CTNNA3: variants seen among roughly 807,000 people sequenced by gnomAD.
The protein encoded by CTNNA3 is catenin alpha 3.
A neutral mutation model predicts 95.7 loss-of-function variants in CTNNA3; 76 were observed. That is an observed-to-expected ratio of 0.79 (90% CI 0.66 to 0.96). The LOEUF is 0.96. Ranked by LOEUF, CTNNA3 falls within the 40% of genes least tolerant of loss-of-function variation. The probability of loss-of-function intolerance (pLI) is 0.00; values close to 1 mark genes in which losing one functional copy is unlikely to be tolerated. For missense variants in CTNNA3, 1,191 were observed against 1,089.8 expected (o/e 1.09, Z -1.31); for synonymous variants, 431 against 374.4 (o/e 1.15, Z -1.74).
intron 10 of CTNNA3, among the ~76,000 whole-genome samples, chr10:66,594,204 T>C (rs1310054737): frequency 1.3e-5 from 2 of 152,264 alleles, no homozygotes; most frequent in African/African-American, 4.8e-5. Flanking sequence ...ACACCTCATC[T>C]TGCCCTTTTA....
intron 5 of CTNNA3, among the ~76,000 whole-genome samples, chr10:67,342,964 T>C (rs1258020813): frequency 6.6e-6 from 1 of 152,142 alleles, no homozygotes; most frequent in African/African-American, 2.4e-5. Context: ...AATTTTCCTT[T>C]TCTTTTGAGT....
Position 67,241,984 on chromosome 10 carries a change from C to T in CTNNA3, c.580-22114G>A, listed in dbSNP as rs145325395. ...CTCCTGTCTCAACACTCTTTCTACT[C>T]GACACTATTTCTATTTGTTGTCAGT... On this transcript the variant is annotated intron_variant, in intron 5 of 17. Coordinates refer to ENST00000433211, the MANE Select transcript of CTNNA3 (RefSeq NM_013266.4). Among the ~76,000 whole-genome samples the T allele has an allele frequency of 8.1e-3, 1,236 of 152,238 alleles. 11 individuals are homozygous for T. Among genetic ancestry groups the T allele is most frequent in the African/African-American group, 0.024 (980 of 41,544 alleles).
At chr10:66,123,897 G>T (rs1256275329) in intron 13 of CTNNA3, among the ~76,000 whole-genome samples, 1 of 152,144 alleles carries the variant, frequency 6.6e-6, no homozygotes, top group Non-Finnish European at 1.5e-5. Context: ...CCTGGGCCTG[G>T]CCCACGAAAC....
At chr10:67,283,382 A>G (rs528091132) in intron 5 of CTNNA3, among the ~76,000 whole-genome samples, 11 of 152,326 alleles carry the variant, frequency 7.2e-5, no homozygotes, top group African/African-American at 1.9e-4. Context: ...GGGCTCAAGC[A>G]CGCACCCTAA....
chr10:67,720,973 A>T lies in CTNNA3; in HGVS notation c.-2+42461T>A, dbSNP rs373611904. On this transcript the variant is annotated intron_variant, in intron 1 of 17. Coordinates refer to the CTNNA3 transcript ENST00000684154. ...CGTCTCAGAAAAAAAAATGTTGAAT[A>T]TTGGCCCCCACTCTTCTGGCTTGAA... Among the ~76,000 whole-genome samples the T allele has an allele frequency of 4.6e-5, 7 of 152,208 alleles. No individual in the cohort carries two copies. The East Asian group carries it at 1.2e-3, about 25-fold the overall frequency.
intron 6 of CTNNA3, among the ~76,000 whole-genome samples, chr10:67,189,040 C>A (rs978485025): frequency 6.6e-6 from 1 of 151,836 alleles, no homozygotes; most frequent in African/African-American, 2.4e-5. Flanking sequence ...TTGCTTGAGC[C>A]CAAGAAGTCG....
chr10:66,265,094 C>A (rs1309547680), intron 13 of CTNNA3, among the ~76,000 whole-genome samples: 1 of 152,014 alleles, frequency 6.6e-6, no homozygotes, highest in Non-Finnish European at 1.5e-5. Flanking sequence ...AGTTCTCTCT[C>A]TTGCAAGATA....
intron 7 of CTNNA3, among the ~76,000 whole-genome samples, chr10:66,823,650 AAATAACAAT>A (rs1472040867): frequency 1.9e-4 from 29 of 152,228 alleles, no homozygotes; most frequent in African/African-American, 6.3e-4. Context: ...TAAGTATTAA[AAATAACAAT>A]AATAACAATA....
chr10:66,650,727 C>T (rs1250786483), intron 9 of CTNNA3, among the ~76,000 whole-genome samples: 3 of 151,930 alleles, frequency 2.0e-5, no homozygotes, highest in Admixed American at 6.6e-5. Context: ...CTCTTAAAGG[C>T]GGCGCATCTG....
intron 7 of CTNNA3, among the ~76,000 whole-genome samples, chr10:67,173,548 A>C (rs1476236272): frequency 6.6e-6 from 1 of 152,036 alleles, no homozygotes; most frequent in African/African-American, 2.4e-5. Flanking sequence ...TTTGTACTCA[A>C]ATTTACTTTC....
chr10:67,755,996 TC>T (rs1841431141), intron 1 of CTNNA3, among the ~76,000 whole-genome samples: 1 of 151,970 alleles, frequency 6.6e-6, no homozygotes, highest in Non-Finnish European at 1.5e-5. Flanking sequence ...AAGAATGAAA[TC>T]CTCTCATTTG....
chr10:67,641,856 G>A (rs114827736), intron 2 of CTNNA3, among the ~76,000 whole-genome samples: 3,306 of 152,208 alleles, frequency 0.022, 126 homozygotes, highest in African/African-American at 0.075. Context: ...TGGGCCTGTC[G>A]TGGGGTAGCC....
At chr10:67,200,376 G>A (rs1197700669) in intron 6 of CTNNA3, among the ~76,000 whole-genome samples, 1 of 152,044 alleles carries the variant, frequency 6.6e-6, no homozygotes, top group Non-Finnish European at 1.5e-5. Context: ...AATTTAAGGG[G>A]ACTTTTAAAA....
At chr10:66,593,241 C>T (rs185860764) in intron 10 of CTNNA3, among the ~76,000 whole-genome samples, 12 of 152,082 alleles carry the variant, frequency 7.9e-5, no homozygotes, top group African/African-American at 2.7e-4. Context: ...AGGGTGAGAA[C>T]AGAACTAATC....
In CTNNA3 at chr10:66,939,069, T is replaced by A. The variant is rs183392685; in HGVS notation, c.1048-163545A>T. 5.6e-4 allele frequency among the ~76,000 whole-genome samples: 86 copies of A among 152,290 alleles called. 1 individual carries two copies. Among genetic ancestry groups the A allele is most frequent in the African/African-American group, 2.0e-3 (85 of 41,560 alleles). Reference sequence around the variant, plus strand: ...CCCACACCAAGGGAACACCCTACGCTATGACAGAAACTAGGTCTTGGCCTC... The same window carrying A: ...CCCACACCAAGGGAACACCCTACGCAATGACAGAAACTAGGTCTTGGCCTC... On this transcript the variant is annotated intron_variant, in intron 7 of 17. Coordinates refer to ENST00000433211, the MANE Select transcript of CTNNA3 (RefSeq NM_013266.4).
intron 12 of CTNNA3, among the ~76,000 whole-genome samples, chr10:66,303,917 A>G (rs1203079326): frequency 6.6e-6 from 1 of 152,176 alleles, no homozygotes; most frequent in East Asian, 1.9e-4. Context: ...TTAAAGGGCA[A>G]TTTTTAAGTC....
Position 67,343,369 on chromosome 10 carries a change from A to AT in CTNNA3, c.580-123500_580-123499insA, listed in dbSNP as rs1168168301. ...TTGTATGGACATTTTAACAATATTG[A>AT]CTTTTTCCAATCCATGAACATGGAA... On this transcript the variant is annotated intron_variant, in intron 5 of 17. Transcript: ENST00000433211. 2.6e-5 allele frequency among the ~76,000 whole-genome samples: 4 copies of AT among 151,938 alleles called. No individual in the cohort carries two copies. The East Asian group carries it at 5.8e-4, about 22-fold the overall frequency.
At chr10:66,473,660 C>T (rs1839215679) in intron 11 of CTNNA3, among the ~76,000 whole-genome samples, 1 of 151,998 alleles carries the variant, frequency 6.6e-6, no homozygotes, top group African/African-American at 2.4e-5. Context: ...TGCTATCCCT[C>T]CTGCCTCCCC....
At chr10:66,737,330 C>T (rs4341430) in intron 9 of CTNNA3, among the ~76,000 whole-genome samples, 92,867 of 151,854 alleles carry the variant, frequency 0.61, 28,885 homozygotes, top group East Asian at 0.94. Flanking sequence ...ATTCCGTGGC[C>T]AGTGTTGCAA....
Sources: gnomAD v4.1 joint callset for allele counts (sites outside exome capture counted in the v4.1 genomes callset) on GRCh38, gnomAD v4.1.1 for gene constraint, MANE v1.5 for transcripts, NCBI Gene and HGNC (gene_info 2026-07-23, HGNC 2026-07-21) for gene names.